The following PCDHGA8 variants were observed in gnomAD, a reference collection of about 807,000 sequenced individuals.
PCDHGA8 encodes the protein protocadherin gamma-A8.
Under a neutral mutation model 59.2 loss-of-function variants are expected in PCDHGA8, and 45 were observed. The observed-to-expected ratio is 0.76, with a 90% CI of 0.60 to 0.98. The LOEUF is 0.98. Among genes scored for constraint, PCDHGA8 ranks in the 50% least tolerant of loss-of-function variants. PCDHGA8 has a pLI of 0.00. For synonymous variants in PCDHGA8, 531 were observed against 519.0 expected (o/e 1.02, Z -0.32); for missense variants, 1,257 against 1,196.2 (o/e 1.05, Z -0.75).
At chr5:141,503,502 G>A (rs750139098) in intron 2 of PCDHGA8, among the ~76,000 whole-genome samples, 5 of 151,828 alleles carry the variant, frequency 3.3e-5, no homozygotes, top group Admixed American at 2.0e-4. Context: ...AAGAGGCTGA[G>A]GCAGGAGAAT....
Position 141,438,619 on chromosome 5 carries a change from T to C in PCDHGA8, c.2424+43382T>C, listed in dbSNP as rs1053855444. Reference sequence around the variant, plus strand: ...ATATATATATATATATATATATATATATATATATATATATATACACACACA... The same window carrying C: ...ATATATATATATATATATATATATACATATATATATATATATACACACACA... On this transcript the variant is annotated intron_variant, in intron 1 of 3. Transcript: ENST00000398604. 1.0e-4 allele frequency among the ~76,000 whole-genome samples: 4 copies of C among 39,678 alleles called. No homozygotes were observed. The East Asian group carries it at 2.5e-3, about 25-fold the overall frequency. The allele number at this position is 39,678 out of a possible 152,430, so 26.0% of individuals were successfully genotyped here.
chr5:141,422,194 C>A, intron 1 of PCDHGA8: 1 of 1,562,366 alleles, frequency 6.4e-7, no homozygotes, highest in South Asian at 1.2e-5. Flanking sequence ...AATTCAAGGC[C>A]AAGATGGTGG....
chr5:141,443,274 A>G (rs1259320198), intron 1 of PCDHGA8, among the ~76,000 whole-genome samples: 12 of 151,534 alleles, frequency 7.9e-5, no homozygotes, highest in African/African-American at 1.7e-4. Context: ...TGAGCCCAGG[A>G]GTTTGAGACC....
At chr5:141,470,599 C>T (rs967683467) in intron 1 of PCDHGA8, among the ~76,000 whole-genome samples, 12 of 152,194 alleles carry the variant, frequency 7.9e-5, no homozygotes, top group Non-Finnish European at 1.2e-4. Context: ...GCGACCTGTG[C>T]GGGGACACAG....
chr5:141,457,193 A>G (rs2154565853), intron 1 of PCDHGA8, among the ~76,000 whole-genome samples: 1 of 152,356 alleles, frequency 6.6e-6, no homozygotes, highest in African/African-American at 2.4e-5. Flanking sequence ...GAGTGAGGAA[A>G]GCAGTTCCCA....
chr5:141,400,361 C>G (rs776965891), intron 1 of PCDHGA8: 3 of 1,613,952 alleles, frequency 1.9e-6, no homozygotes, highest in Non-Finnish European at 2.5e-6. Flanking sequence ...GGGACTTTGC[C>G]TTATTCCTAC....
intron 1 of PCDHGA8, chr5:141,412,531 T>G (rs534627173): frequency 1.7e-4 from 26 of 152,304 alleles, no homozygotes; most frequent in African/African-American, 5.8e-4. Flanking sequence ...GTTACAATTA[T>G]AAAGCTTCAG....
At chr5:141,428,196 C>A in intron 1 of PCDHGA8, 2 of 1,383,704 alleles carry the variant, frequency 1.4e-6, no homozygotes, top group Non-Finnish European at 2.0e-6. Context: ...CCGCTCTCTG[C>A]GCCGCTACGC....
At chr5:141,408,834 T>G in intron 1 of PCDHGA8, 1 of 1,613,696 alleles carries the variant, frequency 6.2e-7, no homozygotes, top group Non-Finnish European at 8.5e-7. Context: ...CATAGCTTGA[T>G]ATTGACTGCC....
chr5:141,435,290 A>G (rs2097756551), intron 1 of PCDHGA8, among the ~76,000 whole-genome samples: 1 of 152,158 alleles, frequency 6.6e-6, no homozygotes, highest in African/African-American at 2.4e-5. Context: ...ATCCCAAGTC[A>G]TTTCATGGTT....
intron 1 of PCDHGA8, among the ~76,000 whole-genome samples, chr5:141,405,659 G>A (rs867774573): frequency 2.0e-5 from 3 of 152,106 alleles, no homozygotes; most frequent in Non-Finnish European, 4.4e-5. Flanking sequence ...TGTGTTTTTA[G>A]TAGAGACGGG....
intron 1 of PCDHGA8, among the ~76,000 whole-genome samples, chr5:141,435,099 TA>T (rs892317840): frequency 2.0e-5 from 3 of 152,260 alleles, no homozygotes; most frequent in African/African-American, 7.2e-5. Context: ...TCTGTTTATC[TA>T]GGGGGGAGAA....
In PCDHGA8 at chr5:141,477,844, G is replaced by A. The variant is rs748180474; in HGVS notation, c.2425-16963G>A. On this transcript the variant is annotated intron_variant, in intron 1 of 3. Coordinates refer to ENST00000398604, the MANE Select transcript of PCDHGA8 (RefSeq NM_032088.2). This position sits in a 1 kb window ranked among gnomAD's most constrained non-coding sequence, Gnocchi z 4.9. ...TATATCCTCGGCCAGGTGGGAGCTC[G>A]GTGGAGATGCTGCCTCGAGGTACCT... The A allele has an allele frequency of 6.2e-7, 1 of 1,613,394 alleles. No individual in the cohort carries two copies.
chr5:141,420,458 C>A, intron 1 of PCDHGA8: 3 of 925,194 alleles, frequency 3.2e-6, no homozygotes, highest in Non-Finnish European at 2.9e-6. Context: ...TCCTACTATT[C>A]AAAGACATTT....
chr5:141,470,490 A>C (rs1193023083), intron 1 of PCDHGA8, among the ~76,000 whole-genome samples: 1 of 152,202 alleles, frequency 6.6e-6, no homozygotes, highest in African/African-American at 2.4e-5. Context: ...TCTGGGAATA[A>C]TATTAGGTAA....
intron 1 of PCDHGA8, chr5:141,428,009 A>G (rs778602169): frequency 3.7e-6 from 6 of 1,602,358 alleles, no homozygotes; most frequent in African/African-American, 2.7e-5. Context: ...TCTTCGATAT[A>G]GTGCCACGCG....
At chr5:141,510,810 A>G (rs1455434913) in intron 3 of PCDHGA8, 137 bp from the exon 4 acceptor site, 19 of 1,519,650 alleles carry the variant, frequency 1.3e-5, no homozygotes, top group Admixed American at 2.0e-5. Flanking sequence ...TACCTTGGTG[A>G]CCCCTATATT....
chr5:141,414,472 A>G (rs1039987036), intron 1 of PCDHGA8: 1 of 1,613,914 alleles, frequency 6.2e-7, no homozygotes, highest in African/African-American at 1.3e-5. Flanking sequence ...AGATGGGGGA[A>G]GTCCTCCTCT....
At chr5:141,410,893 G>A (rs1302061377) in intron 1 of PCDHGA8, 5 of 276,602 alleles carry the variant, frequency 1.8e-5, no homozygotes, top group South Asian at 4.6e-5. Context: ...TCGCACTGTT[G>A]CCTAGGCTGG....
Sources: gnomAD v4.1 joint callset for allele counts (sites outside exome capture counted in the v4.1 genomes callset) on GRCh38, gnomAD v4.1.1 for gene constraint, Gnocchi (gnomAD v3.1) non-coding constraint, MANE v1.5 for transcripts, NCBI Gene and HGNC (gene_info 2026-07-23, HGNC 2026-07-21) for gene names.